Variants in ACTR3C observed in about 807,000 individuals in gnomAD.
ACTR3C encodes the protein actin related protein 3C.
A neutral mutation model predicts 26.3 loss-of-function variants in ACTR3C; 18 were observed. That is an observed-to-expected ratio of 0.68 (90% CI 0.47 to 1.01). The LOEUF is 1.01. ACTR3C is among the 50% of genes least tolerant of loss of function. The probability of loss-of-function intolerance (pLI) is 0.00; values close to 1 mark genes in which losing one functional copy is unlikely to be tolerated. For missense variants in ACTR3C, 184 were observed against 250.7 expected (o/e 0.73, Z 1.80); for synonymous variants, 55 against 94.5 (o/e 0.58, Z 2.42).
intron 1 of ACTR3C, among the ~76,000 whole-genome samples, chr7:150,298,694 G>C (rs930084080): frequency 2.7e-5 from 4 of 146,726 alleles, no homozygotes; most frequent in African/African-American, 1.0e-4. Flanking sequence ...ACTACTAAAA[G>C]TCTCTCAGTT....
the ACTR3C span, among the ~76,000 whole-genome samples, chr7:149,884,380 G>A: frequency 2.6e-5 from 4 of 152,172 alleles, no homozygotes; most frequent in African/African-American, 4.8e-5. Flanking sequence ...GAGAATTTCA[G>A]TTAGACAAGA....
Position 150,302,569 on chromosome 7 carries a change from A to G in ACTR3C, c.-51-7222T>C, listed in dbSNP as rs562372636. 7.2e-3 allele frequency among the ~76,000 whole-genome samples: 1,097 copies of G among 152,080 alleles called. 19 individuals are homozygous for G. The highest frequency in any genetic ancestry group is 0.024 in the African/African-American group (1,007 of 41,454). On this transcript the variant is annotated intron_variant, in intron 1 of 7. Coordinates refer to ENST00000683684, the MANE Select transcript of ACTR3C (RefSeq NM_001164458.2). ...ACTGTAAGGAAATGAGGAGTATAAT[A>G]TTGGGTGTAAAATCATTTTAAAAAT... is the stretch of plus-strand genomic sequence containing the variant.
intron 6 of ACTR3C, among the ~76,000 whole-genome samples, chr7:150,284,013 A>G (rs1584923291): frequency 2.0e-5 from 3 of 151,710 alleles, no homozygotes; most frequent in African/African-American, 2.4e-5. Flanking sequence ...TTTGAAAAAA[A>G]TCATAATAAT....
the ACTR3C span, among the ~76,000 whole-genome samples, chr7:150,201,697 G>A: frequency 1.3e-5 from 2 of 151,566 alleles, no homozygotes; most frequent in African/African-American, 2.4e-5. Flanking sequence ...GACAGAGGTT[G>A]CAGTGAGCCG....
At chr7:150,175,832 AAAAG>A in the ACTR3C span, among the ~76,000 whole-genome samples, 479 of 145,944 alleles carry the variant, frequency 3.3e-3, 35 homozygotes, top group African/African-American at 0.012. Context: ...AAAAAAAAAA[AAAAG>A]AAAGAAAGGA....
At chr7:150,250,288 C>G (rs543756700) in intron 6 of ACTR3C, among the ~76,000 whole-genome samples, 1 of 148,712 alleles carries the variant, frequency 6.7e-6, no homozygotes, top group Non-Finnish European at 1.5e-5. Context: ...ACTGCAAGCT[C>G]TGCCTCCCGG....
At chr7:150,164,947 A>C in the ACTR3C span, among the ~76,000 whole-genome samples, 3 of 152,010 alleles carry the variant, frequency 2.0e-5, no homozygotes, top group African/African-American at 7.3e-5. Flanking sequence ...ATTTCTTTTC[A>C]CCTCATTTAA....
At chr7:149,936,265 G>T in the ACTR3C span, among the ~76,000 whole-genome samples, 9 of 152,118 alleles carry the variant, frequency 5.9e-5, no homozygotes, top group South Asian at 2.1e-4. Context: ...TTGGCTACTG[G>T]CTTCTATAAC....
chr7:150,250,084 T>C (rs1471729750), intron 6 of ACTR3C, among the ~76,000 whole-genome samples: 1 of 151,720 alleles, frequency 6.6e-6, no homozygotes, highest in East Asian at 1.9e-4. Flanking sequence ...GCAGAGGAAA[T>C]GGGGTAGATT....
the ACTR3C span, among the ~76,000 whole-genome samples, chr7:150,196,742 G>T: frequency 6.6e-6 from 1 of 152,130 alleles, no homozygotes; most frequent in Non-Finnish European, 1.5e-5. Flanking sequence ...AATCTAGTTA[G>T]GTCTTGGGCT....
the ACTR3C span, among the ~76,000 whole-genome samples, chr7:149,887,667 C>G: frequency 6.6e-6 from 1 of 152,218 alleles, no homozygotes; most frequent in Non-Finnish European, 1.5e-5. Flanking sequence ...TGACCCGAGC[C>G]AAGTCGAGCC....
At chr7:150,006,193 T>TATTTATTTATTTATTTATTTATTTATTTA in the ACTR3C span, among the ~76,000 whole-genome samples, 71 of 148,870 alleles carry the variant, frequency 4.8e-4, no homozygotes, top group Admixed American at 7.3e-4. Flanking sequence ...AGAATTTATT[T>TATTTATTTATTTATTTATTTATTTATTTA]ATTTATTTAT....
chr7:149,974,964 A>G, the ACTR3C span, among the ~76,000 whole-genome samples: 1 of 152,206 alleles, frequency 6.6e-6, no homozygotes, highest in Non-Finnish European at 1.5e-5. Flanking sequence ...ATGGCCTTAG[A>G]AAAAGAAAAC....
At chr7:150,104,024 G>A in the ACTR3C span, among the ~76,000 whole-genome samples, 1 of 151,988 alleles carries the variant, frequency 6.6e-6, no homozygotes, top group African/African-American at 2.4e-5. Flanking sequence ...ATTCAAGAGG[G>A]CTGCAAAGGT....
the ACTR3C span, among the ~76,000 whole-genome samples, chr7:150,194,733 T>A: frequency 6.6e-6 from 1 of 152,286 alleles, no homozygotes; most frequent in Non-Finnish European, 1.5e-5. Flanking sequence ...GTTTACACAT[T>A]TTATTGGTGG....
chr7:150,196,311 T>C, the ACTR3C span, among the ~76,000 whole-genome samples: 2 of 152,382 alleles, frequency 1.3e-5, no homozygotes, highest in South Asian at 4.1e-4. Flanking sequence ...TTGCTTTAGT[T>C]ATATCTGGTT....
the ACTR3C span, among the ~76,000 whole-genome samples, chr7:149,925,516 A>G: frequency 6.6e-6 from 1 of 152,206 alleles, no homozygotes; most frequent in Non-Finnish European, 1.5e-5. Flanking sequence ...TGAACAGACC[A>G]ATAGACTAAC....
chr7:150,254,371 A>C (rs988343065), intron 6 of ACTR3C, among the ~76,000 whole-genome samples: 12 of 152,228 alleles, frequency 7.9e-5, no homozygotes, highest in African/African-American at 2.9e-4. Context: ...TTTGAGATAT[A>C]AAAAAGCCTC....
the ACTR3C span, among the ~76,000 whole-genome samples, chr7:150,186,617 C>T: frequency 6.6e-6 from 1 of 152,146 alleles, no homozygotes; most frequent in African/African-American, 2.4e-5. Context: ...CCTCATTTTT[C>T]AACCCCCATA....
Sources: gnomAD v4.1 joint callset for allele counts (sites outside exome capture counted in the v4.1 genomes callset) on GRCh38, gnomAD v4.1.1 for gene constraint, MANE v1.5 for transcripts, NCBI Gene and HGNC (gene_info 2026-07-23, HGNC 2026-07-21) for gene names.